The following SLFN11 variants were observed in gnomAD, a reference collection of about 807,000 sequenced individuals.
The protein encoded by SLFN11 is schlafen family member 11.
A neutral mutation model predicts 53.4 loss-of-function variants in SLFN11; 43 were observed. The ratio of observed to expected loss-of-function variants is 0.80; its 90% CI spans 0.63 to 1.04. The LOEUF (loss-of-function observed/expected upper bound fraction) is 1.04. Among genes scored for constraint, SLFN11 ranks in the 50% least tolerant of loss-of-function variants. SLFN11 has a pLI of 0.00. For missense variants in SLFN11, 990 were observed against 1,079.1 expected, an observed-to-expected ratio of 0.92 and a Z score of 1.16; for synonymous variants, 389 against 394.7, an observed-to-expected ratio of 0.99 and a Z score of 0.17.
intron 3 of SLFN11, among the ~76,000 whole-genome samples, chr17:35,365,868 A>G (rs1049002605): frequency 6.6e-6 from 1 of 151,606 alleles, no homozygotes; most frequent in African/African-American, 2.4e-5. Flanking sequence ...GTAAAAGGAG[A>G]AAAGCATAGT....
At chr17:35,359,022 AG>A (rs1907865365) in intron 5 of SLFN11, among the ~76,000 whole-genome samples, 1 of 152,268 alleles carries the variant, frequency 6.6e-6, no homozygotes, top group South Asian at 2.1e-4. Flanking sequence ...TGTCTCAAAA[AG>A]AAAAAAAGAC....
intron 1 of SLFN11, among the ~76,000 whole-genome samples, chr17:35,371,710 T>A (rs891718759): frequency 6.6e-6 from 1 of 152,072 alleles, no homozygotes; most frequent in African/African-American, 2.4e-5. Context: ...CAAATAGGCA[T>A]GTGAAAAGGT....
intron 4 of SLFN11, among the ~76,000 whole-genome samples, chr17:35,362,481 T>C (rs990403435): frequency 5.9e-5 from 9 of 152,242 alleles, no homozygotes; most frequent in East Asian, 3.9e-4. Flanking sequence ...CAGTACACCA[T>C]TGCAAGGGTG....
chr17:35,370,365 G>A (rs1016768246), intron 1 of SLFN11, among the ~76,000 whole-genome samples: 17 of 152,070 alleles, frequency 1.1e-4, no homozygotes, highest in African/African-American at 3.9e-4. Context: ...CAGACCTACA[G>A]CTAGTAGCAT....
chr17:35,353,137 T>C lies in SLFN11; in HGVS notation c.1925A>G (p.Asp642Gly), dbSNP rs371572826. 1.2e-6 allele frequency: 2 copies of C among 1,610,250 alleles called. No individual in the cohort carries two copies. Among genetic ancestry groups the C allele is most frequent in the Admixed American group, 1.7e-5 (1 of 59,166 alleles). The change falls in exon 7 of 7, where the codon GAT becomes GGT. Residue 642 changes from aspartate (D) to glycine (G), a missense_variant and splice_region_variant. By Grantham distance (94) the Asp-to-Gly change is moderately conservative (BLOSUM62 -1). Coordinates refer to ENST00000685675, the MANE Select transcript of SLFN11 (RefSeq NM_001376007.1). ...ENQPLRNFIS[D>G]RNICRAETRK... Reference sequence around the variant, plus strand: ...GGTCTCTGCTCGGCAGATATTTCTATCACTGTAAAAATTAAAAGAACACAC... The same window carrying C: ...GGTCTCTGCTCGGCAGATATTTCTACCACTGTAAAAATTAAAAGAACACAC...
chr17:35,363,445 G>A lies in SLFN11; in HGVS notation c.363C>T (p.Val121=), dbSNP rs765127667. 3.1e-6 allele frequency: 5 copies of A among 1,613,880 alleles called. No homozygotes were observed. In the East Asian group the frequency reaches 1.1e-4, roughly 36 times the overall value. ...AACTGAGGCTGCAAAGGCGGGGCTT[G>A]ACAGAGCGATCTTCAGGGAAAGGGC... ...SSGPFPEDRS[V]KPRLCSLSSS... The change falls in exon 4 of 7, where the codon GTC becomes GTT. Residue 121 remains valine, a synonymous_variant. Coordinates refer to ENST00000685675, the MANE Select transcript of SLFN11 (RefSeq NM_001376007.1).
At position 35,350,756 on chromosome 17, in the gene SLFN11, A is replaced by G. The variant is rs1906572146; in HGVS notation, c.*1600T>C. The G allele has an allele frequency of 6.6e-6, 1 of 152,214 alleles. No homozygotes were observed. The allele number at this position is 152,214 out of a possible 1,614,324, so 9.4% of individuals were successfully genotyped here. ...TTCAAGCCCAGATAACTGGAATTCC[A>G]TGAATAAACACAGAAAGACAGGAGA... On this transcript the variant is annotated 3_prime_UTR_variant, in exon 7 of 7. Coordinates refer to ENST00000685675, the MANE Select transcript of SLFN11 (RefSeq NM_001376007.1).
intron 1 of SLFN11, among the ~76,000 whole-genome samples, chr17:35,370,425 T>C (rs1909500309): frequency 2.0e-5 from 3 of 152,060 alleles, no homozygotes; most frequent in South Asian, 4.1e-4. Context: ...TGGAACACTA[T>C]AAGGATCCTC....
At position 35,363,789 on chromosome 17, in the gene SLFN11, G is replaced by T. The variant is rs1382833702; in HGVS notation, c.19C>A (p.Pro7Thr). The part of the protein sequence containing the change: MEANQC[P>T]LVVEPSYPDL... ...GGGTAAGATGGTTCCACAACCAGGG[G>T]GCACTGATTTGCCTCCATGTTGAAC... Residue 7 changes from proline (P) to threonine (T), a missense_variant, in exon 4 of 7, where the codon CCC (proline) becomes ACC (threonine). Pro to Thr is a conservative substitution (Grantham distance 38, BLOSUM62 -1). Around this residue, in one of 3 missense-constraint regions of SLFN11, gnomAD observed 521 missense variants for 516.2 expected, o/e 1.01. Coordinates refer to ENST00000685675, the MANE Select transcript of SLFN11 (RefSeq NM_001376007.1). 1 of 1,579,826 alleles carries T rather than the reference G, an allele frequency of 6.3e-7. No homozygotes were observed. The highest frequency in any genetic ancestry group is 2.2e-5 in the East Asian group (1 of 44,730).
In SLFN11 at chr17:35,352,561, CT is replaced by C. The variant is rs746308951; in HGVS notation, c.2500del (p.Arg834GlyfsTer31). On this transcript the variant is annotated frameshift_variant, in exon 7 of 7. Transcript: ENST00000685675. LOFTEE classifies it low-confidence loss of function (END_TRUNC). ...ACATGCATCACTGAGCTGCACCACC[CT>C]TTTCTTCCTCATTGCTTTCAAGAGC... is the stretch of plus-strand genomic sequence containing the variant. ...YELLKAMRKK[R>X]VVQLSDACDM... The C allele has an allele frequency of 1.3e-5, 21 of 1,614,092 alleles. No homozygotes were observed. The highest frequency in any genetic ancestry group is 1.8e-5 in the Non-Finnish European group (21 of 1,180,046).
At chr17:35,358,245 C>A (rs980906306) in intron 5 of SLFN11, among the ~76,000 whole-genome samples, 1 of 151,316 alleles carries the variant, frequency 6.6e-6, no homozygotes, top group Middle Eastern at 3.4e-3. Flanking sequence ...ATTAAAGATA[C>A]TGAATTCTGC....
intron 1 of SLFN11, among the ~76,000 whole-genome samples, chr17:35,371,401 A>T (rs1416565737): frequency 1.3e-5 from 2 of 152,260 alleles, no homozygotes; most frequent in East Asian, 3.9e-4. Context: ...TCTCCAGGAC[A>T]TTGATCTGAG....
At chr17:35,367,948 A>G (rs1909173318) in intron 1 of SLFN11, among the ~76,000 whole-genome samples, 1 of 152,072 alleles carries the variant, frequency 6.6e-6, no homozygotes, top group African/African-American at 2.4e-5. Flanking sequence ...GTGGACATGC[A>G]GGGACAACCA....
In SLFN11 at chr17:35,363,082, T is replaced by C; in HGVS notation, c.726A>G (p.Gly242=). The part of the protein sequence containing the change: ...PEYVPAFANT[G]GGYLFIGVDD... Reference sequence around the variant, plus strand: ...CCACTCCAATAAAAAGATAGCCTCCTCCAGTGTTTGCAAATGCAGGGACGT... The same window carrying C: ...CCACTCCAATAAAAAGATAGCCTCCCCCAGTGTTTGCAAATGCAGGGACGT... Residue 242 remains glycine, a synonymous_variant, in exon 4 of 7, where the codon GGA becomes GGG. Coordinates refer to ENST00000685675, the MANE Select transcript of SLFN11 (RefSeq NM_001376007.1). 2 of 1,614,026 alleles carry C rather than the reference T, an allele frequency of 1.2e-6. No individual in the cohort carries two copies. The highest frequency in any genetic ancestry group is 8.5e-7 in the Non-Finnish European group (1 of 1,179,980).
Position 35,363,170 on chromosome 17 carries a change from A to T in SLFN11, c.638T>A (p.Val213Glu), listed in dbSNP as rs533472058. The change falls in exon 4 of 7, where the codon GTA (valine) becomes GAA (glutamate). Residue 213 changes from valine to glutamate, a missense_variant. By Grantham distance (121) the Val-to-Glu change is moderately radical. Around this residue, in one of 3 missense-constraint regions of SLFN11, gnomAD observed 521 missense variants for 516.2 expected, o/e 1.01. Transcript: ENST00000685675. Reference protein sequence around the residue: ...EILPFPESQLVEFKQFSTKHF... With the variant: ...EILPFPESQLEEFKQFSTKHF... ...TTTTGTAGAGAACTGTTTAAACTCT[A>T]CTAACTGAGACTCAGGAAAAGGCAG... 1.1e-5 allele frequency: 17 copies of T among 1,614,026 alleles called. No homozygotes were observed. The South Asian group carries it at 1.9e-4, about 18-fold the overall frequency.
At position 35,363,363 on chromosome 17, in the gene SLFN11, A is replaced by G. The variant is rs753662354; in HGVS notation, c.445T>C (p.Phe149Leu). The G allele has an allele frequency of 2.0e-5, 33 of 1,614,056 alleles. No homozygotes were observed. In the Admixed American group the frequency reaches 2.5e-4, roughly 12 times the overall value. ...TTCCTTTTGGTCTTCAGGAAACAGA[A>G]TGCCTCTCTTGAGTCCATGGAACGC... ...SVRSMDSREA[F>L]CFLKTKRKPK... The change falls in exon 4 of 7, where the codon TTC becomes CTC. Residue 149 changes from phenylalanine (F) to leucine (L), a missense_variant. Around this residue, in one of 3 missense-constraint regions of SLFN11, gnomAD observed 521 missense variants for 516.2 expected, o/e 1.01. Transcript: ENST00000685675.
chr17:35,357,851 A>G (rs1029177587), intron 5 of SLFN11, among the ~76,000 whole-genome samples: 1 of 145,310 alleles, frequency 6.9e-6, no homozygotes, highest in Non-Finnish European at 1.5e-5. Context: ...AAAATATATA[A>G]TTATTTATAT....
intron 1 of SLFN11, among the ~76,000 whole-genome samples, chr17:35,368,797 G>A (rs934588941): frequency 2.0e-5 from 3 of 152,108 alleles, no homozygotes; most frequent in African/African-American, 7.2e-5. Context: ...CATCTTGGAT[G>A]TCAGCTCAGA....
intron 5 of SLFN11, among the ~76,000 whole-genome samples, chr17:35,355,735 A>C (rs1266188327): frequency 6.6e-6 from 1 of 152,098 alleles, no homozygotes; most frequent in Non-Finnish European, 1.5e-5. Flanking sequence ...TGTTCAATTA[A>C]TGCCATCATT....
Sources: allele counts gnomAD v4.1 joint callset (sites outside exome capture counted in the v4.1 genomes callset), GRCh38; gene constraint gnomAD v4.1.1; regional missense constraint gnomAD v4.1.1; transcripts MANE v1.5; gene names NCBI Gene and HGNC (gene_info 2026-07-23, HGNC 2026-07-21).